LIPG: variants seen among roughly 807,000 people sequenced by gnomAD.
LIPG encodes the protein lipase G, endothelial type, also known as endothelial lipase.
Under a neutral mutation model 51.8 loss-of-function variants are expected in LIPG, and 34 were observed. The ratio of observed to expected loss-of-function variants is 0.66; its 90% confidence interval spans 0.50 to 0.87. The LOEUF (loss-of-function observed/expected upper bound fraction) is 0.87, where lower values mean the gene tolerates loss of function less well. Ranked by LOEUF, LIPG falls within the 40% of genes least tolerant of loss-of-function variation. The pLI is 0.00. For missense variants in LIPG, 580 were observed against 652.7 expected, an observed-to-expected ratio of 0.89 and a Z score of 1.21; for synonymous variants, 246 against 246.1, an observed-to-expected ratio of 1.00 and a Z score of 0.00.
intron 1 of LIPG, among the ~76,000 whole-genome samples, chr18:49,562,768 G>T (rs1247014853): frequency 6.6e-6 from 1 of 152,206 alleles, no homozygotes; most frequent in Non-Finnish European, 1.5e-5. Flanking sequence ...GGTTTGAGAG[G>T]CAAGAAGGCT....
chr18:49,571,316 C>T (rs1370617507), intron 4 of LIPG, among the ~76,000 whole-genome samples: 3 of 152,236 alleles, frequency 2.0e-5, no homozygotes, highest in African/African-American at 4.8e-5. Context: ...ATGTCAGTAA[C>T]GATGACAAAC....
chr18:49,569,531 C>T lies in LIPG; in HGVS notation c.554C>T (p.Thr185Met), dbSNP rs777932618. Reference protein sequence around the residue: ...AGYAGNFVKGTVGRITGLDPA... With the variant: ...AGYAGNFVKGMVGRITGLDPA... ...TATGCAGGCAACTTCGTGAAAGGAA[C>T]GGTGGGCCGAATCACAGGTGAGCTC... is the stretch of plus-strand genomic sequence containing the variant. The change falls in exon 4 of 10, where the codon ACG becomes ATG. Residue 185 changes from threonine to methionine, a missense_variant. Thr to Met is a moderately conservative substitution (Grantham distance 81). Coordinates refer to ENST00000261292, the MANE Select transcript of LIPG (RefSeq NM_006033.4). The T allele has an allele frequency of 1.4e-5, 22 of 1,613,742 alleles. No individual in the cohort carries two copies. Among genetic ancestry groups the T allele is most frequent in the East Asian group, 2.2e-5 (1 of 44,886 alleles).
chr18:49,587,568 CAAA>C (rs34734805), intron 9 of LIPG, among the ~76,000 whole-genome samples: 1 of 42,308 alleles, frequency 2.4e-5, no homozygotes, highest in Admixed American at 4.1e-4. Context: ...GACTCCGTCT[CAAA>C]AAAAAAAAAA....
In LIPG at chr18:49,598,024, T is replaced by C. The variant is rs1169949082; in HGVS notation, c.*7502T>C. 1 of 152,230 alleles carries C rather than the reference T, an allele frequency of 6.6e-6. No individual in the cohort carries two copies. The highest frequency in any genetic ancestry group is 1.5e-5 in the Non-Finnish European group (1 of 68,044). The allele number at this position is 152,230 out of a possible 1,614,324, so 9.4% of individuals were successfully genotyped here. ...CCTGCCAGAGATGTCAGTCTTACTA[T>C]TCATCCTGTATCCTCTATTAGATAC... On this transcript the variant is annotated 3_prime_UTR_variant, in exon 10 of 10. Coordinates refer to ENST00000261292, the MANE Select transcript of LIPG (RefSeq NM_006033.4).
chr18:49,581,866 C>G, intron 6 of LIPG: 1 of 642,184 alleles, frequency 1.6e-6, no homozygotes, highest in Non-Finnish European at 2.7e-6. Context: ...ATGTGGCTAT[C>G]AGTCCATGAT....
chr18:49,587,674 G>A (rs978101008), intron 9 of LIPG, among the ~76,000 whole-genome samples: 8 of 151,312 alleles, frequency 5.3e-5, no homozygotes, highest in Non-Finnish European at 1.2e-4. Context: ...TGTCTCTTCT[G>A]CTCTTTGTCC....
chr18:49,579,019 A>C (rs1333163657), intron 5 of LIPG, among the ~76,000 whole-genome samples: 2 of 128 alleles, frequency 0.016, no homozygotes, highest in East Asian at 0.12. Context: ...GGAGAGGGAG[A>C]GGGAGAGGGA....
At position 49,597,252 on chromosome 18, in the gene LIPG, C is replaced by T. The variant is rs944137595; in HGVS notation, c.*6730C>T. 5.3e-5 allele frequency: 8 copies of T among 152,144 alleles called. No individual in the cohort carries two copies. Among genetic ancestry groups the T allele is most frequent in the African/African-American group, 1.9e-4 (8 of 41,414 alleles). 9.4% of individuals were successfully genotyped at this position (152,144 alleles called of 1,614,324 possible). ...TTCTAATCGAGGCCCCTAAAATATT[C>T]CTGATTTTCACAGTTGATTTCATTT... On this transcript the variant is annotated 3_prime_UTR_variant, in exon 10 of 10. Coordinates refer to ENST00000261292, the MANE Select transcript of LIPG (RefSeq NM_006033.4).
At chr18:49,575,217 C>A in intron 4 of LIPG, 152 bp from the exon 5 acceptor site, 1 of 631,574 alleles carries the variant, frequency 1.6e-6, no homozygotes, top group Non-Finnish European at 2.8e-6. Context: ...AAATGGGTTT[C>A]TTATTTTCTT....
intron 9 of LIPG, among the ~76,000 whole-genome samples, chr18:49,588,047 C>T (rs2084902212): frequency 6.6e-6 from 1 of 152,134 alleles, no homozygotes; most frequent in Non-Finnish European, 1.5e-5. Context: ...GCCTTGGCCT[C>T]CCAGAGTGCT....
At chr18:49,578,049 C>G (rs1238796354) in intron 5 of LIPG, among the ~76,000 whole-genome samples, 5 of 139,760 alleles carry the variant, frequency 3.6e-5, no homozygotes, top group Admixed American at 2.8e-4. Flanking sequence ...TCCCGGATGG[C>G]ACGGCTGGCC....
In LIPG at chr18:49,597,268, G is replaced by T. The variant is rs2084987471; in HGVS notation, c.*6746G>T. The T allele has an allele frequency of 6.6e-6, 1 of 152,146 alleles. No individual in the cohort carries two copies. The highest frequency in any genetic ancestry group is 6.6e-5 in the Admixed American group (1 of 15,262). 9.4% of individuals were successfully genotyped at this position (152,146 alleles called of 1,614,324 possible). On this transcript the variant is annotated 3_prime_UTR_variant, in exon 10 of 10. Transcript: ENST00000261292. ...TAAAATATTCCTGATTTTCACAGTT[G>T]ATTTCATTTCTTCCCTCCTGAACTT...
At chr18:49,582,861 G>T (rs756821113) in intron 7 of LIPG, among the ~76,000 whole-genome samples, 16 of 152,234 alleles carry the variant, frequency 1.1e-4, no homozygotes, top group African/African-American at 2.2e-4. Flanking sequence ...TATGGGAGGG[G>T]TGCATAGCGA....
rs747174388 is a variant in LIPG at position 49,592,049 on chromosome 18, G to A, written c.*1527G>A. On this transcript the variant is annotated 3_prime_UTR_variant, in exon 10 of 10. Transcript: ENST00000261292. Reference sequence around the variant, plus strand: ...TTAATGTATAACCAGGAGAACATCTGTGCCAACGGTTGGACTTTTTATGGC... The same window carrying A: ...TTAATGTATAACCAGGAGAACATCTATGCCAACGGTTGGACTTTTTATGGC... The A allele has an allele frequency of 6.6e-6, 1 of 152,124 alleles. No individual in the cohort carries two copies. Among genetic ancestry groups the A allele is most frequent in the East Asian group, 1.9e-4 (1 of 5,184 alleles). 9.4% of individuals were successfully genotyped at this position (152,124 alleles called of 1,614,324 possible).
rs2084948823 is a variant in LIPG at position 49,591,919 on chromosome 18, C to T, written c.*1397C>T. 6.6e-6 allele frequency: 1 copy of T among 152,110 alleles called. No homozygotes were observed. Among genetic ancestry groups the T allele is most frequent in the Non-Finnish European group, 1.5e-5 (1 of 68,028 alleles). 9.4% of individuals were successfully genotyped at this position (152,110 alleles called of 1,614,324 possible). On this transcript the variant is annotated 3_prime_UTR_variant, in exon 10 of 10. Coordinates refer to ENST00000261292, the MANE Select transcript of LIPG (RefSeq NM_006033.4). Reference sequence around the variant, plus strand: ...GAGGCAAAGTCTATCTCTGAAACTCCATGAAGACTTTTGCAGCCAGTTCCC... The same window carrying T: ...GAGGCAAAGTCTATCTCTGAAACTCTATGAAGACTTTTGCAGCCAGTTCCC...
chr18:49,569,384 T>C lies in LIPG; in HGVS notation c.460-53T>C, dbSNP rs558462427. On this transcript the variant is annotated intron_variant, in intron 3 of 9. Coordinates refer to ENST00000261292, the MANE Select transcript of LIPG (RefSeq NM_006033.4). ...TGAGTTGTTGAACTGCTGGTGATTCTGGGGGCTCTGGACCCTGCTCTTCTG... is the reference window on the plus strand; with the variant it reads ...TGAGTTGTTGAACTGCTGGTGATTCCGGGGGCTCTGGACCCTGCTCTTCTG... 2.0e-5 allele frequency: 29 copies of C among 1,459,652 alleles called. No individual in the cohort carries two copies. In the East Asian group the frequency reaches 5.9e-4, roughly 30 times the overall value. 90.4% of individuals were successfully genotyped at this position (1,459,652 alleles called of 1,614,324 possible).
intron 9 of LIPG, among the ~76,000 whole-genome samples, chr18:49,588,984 G>A (rs1308371311): frequency 6.6e-6 from 1 of 152,182 alleles, no homozygotes; most frequent in African/African-American, 2.4e-5. Flanking sequence ...CCTGTGTACA[G>A]ATGAGGAACC....
chr18:49,590,067 ACT>A (rs1041887090), intron 9 of LIPG: 3 of 310,818 alleles, frequency 9.7e-6, no homozygotes, highest in African/African-American at 4.3e-5. Context: ...AGGTCTCCTA[ACT>A]CTCAGTCTTG....
At chr18:49,576,457 CTTTTTTTTTTTTT>C (rs34597464) in intron 5 of LIPG, among the ~76,000 whole-genome samples, 8 of 51,546 alleles carry the variant, frequency 1.6e-4, no homozygotes, top group Admixed American at 2.8e-4. Context: ...CAGAATCTTG[CTTTTTTTTTTTTT>C]TTTTTTTTTT....
Sources: allele counts gnomAD v4.1 joint callset (sites outside exome capture counted in the v4.1 genomes callset), GRCh38; gene constraint gnomAD v4.1.1; transcripts MANE v1.5; gene names NCBI Gene and HGNC (gene_info 2026-07-23, HGNC 2026-07-21).